GLI3: variants seen among roughly 807,000 people sequenced by gnomAD.
GLI3 encodes the protein GLI family zinc finger 3.
In GLI3, 20 loss-of-function variants were observed where a neutral mutation model predicts 100.8. That is an observed-to-expected ratio of 0.20 (90% CI 0.14 to 0.29). The LOEUF is 0.29. Among genes scored for constraint, GLI3 ranks in the 10% least tolerant of loss-of-function variants. The probability of loss-of-function intolerance (pLI) is 1.00; values close to 1 mark genes in which losing one functional copy is unlikely to be tolerated. For missense variants in GLI3, 2,040 were observed against 2,128.5 expected (o/e 0.96, Z 0.82); for synonymous variants, 938 against 860.5 (o/e 1.09, Z -1.58).
At chr7:42,245,906 GA>G (rs11306047) in intron 1 of GLI3, among the ~76,000 whole-genome samples, 99,405 of 143,800 alleles carry the variant, frequency 0.69, 35,856 homozygotes, top group East Asian at 0.9. Context: ...GAAAGAAAAG[GA>G]AAAAAAAAAA....
chr7:42,075,840 T>A (rs1784868154), intron 4 of GLI3, among the ~76,000 whole-genome samples: 1 of 152,258 alleles, frequency 6.6e-6, no homozygotes, highest in Admixed American at 6.5e-5. Flanking sequence ...GGACTTGTTT[T>A]AAAACAACTT....
At chr7:42,213,777 TG>T (rs1300875065) in intron 2 of GLI3, among the ~76,000 whole-genome samples, 8 of 152,376 alleles carry the variant, frequency 5.3e-5, no homozygotes, top group Middle Eastern at 3.4e-3. Flanking sequence ...CAAAGATGGC[TG>T]GGGACAGCCT....
At chr7:42,129,864 C>T (rs1324970498) in intron 3 of GLI3, among the ~76,000 whole-genome samples, 2 of 152,108 alleles carry the variant, frequency 1.3e-5, no homozygotes, top group African/African-American at 2.4e-5. Context: ...CGGACACACC[C>T]GTGACAGTCA....
intron 2 of GLI3, among the ~76,000 whole-genome samples, chr7:42,189,113 A>G (rs1297318583): frequency 6.6e-6 from 1 of 152,156 alleles, no homozygotes; most frequent in African/African-American, 2.4e-5. Flanking sequence ...GCATATAAGA[A>G]ATGTCTGTAT....
rs531428960 is a variant in GLI3, at chr7:42,051,941, C to A, written c.474-3245G>T. Among the ~76,000 whole-genome samples the A allele has an allele frequency of 8.8e-4, 134 of 152,316 alleles. 2 individuals carry two copies. The highest frequency in any genetic ancestry group is 3.2e-3 in the African/African-American group (134 of 41,570). ...ATGTATCTACCGTTACAGTATCATA[C>A]AGAGCAGTCTCACTGCCTTAAAAAT... On this transcript the variant is annotated intron_variant, in intron 4 of 14. Coordinates refer to ENST00000395925, the MANE Select transcript of GLI3 (RefSeq NM_000168.6).
chr7:42,130,237 G>T (rs1262857370), intron 3 of GLI3, among the ~76,000 whole-genome samples: 1 of 152,114 alleles, frequency 6.6e-6, no homozygotes, highest in African/African-American at 2.4e-5. Context: ...TGGTCAGGAT[G>T]TTCCATCCAT....
At chr7:42,038,037 G>A (rs1784054005) in intron 7 of GLI3, among the ~76,000 whole-genome samples, 1 of 152,218 alleles carries the variant, frequency 6.6e-6, no homozygotes, top group Non-Finnish European at 1.5e-5. Context: ...AGAAGTGAAT[G>A]TTCATGAAGT....
chr7:42,123,161 G>A (rs1786043118), intron 3 of GLI3, among the ~76,000 whole-genome samples: 1 of 152,126 alleles, frequency 6.6e-6, no homozygotes, highest in Non-Finnish European at 1.5e-5. Context: ...ACTTTGATGG[G>A]ACAATTGGAC....
chr7:42,246,749 CG>C (rs1788978738), intron 1 of GLI3, among the ~76,000 whole-genome samples: 1 of 143,180 alleles, frequency 7.0e-6, no homozygotes, highest in African/African-American at 2.6e-5. Context: ...CTGTTATTTT[CG>C]GCGGTTGGTA....
At chr7:42,042,973 A>ACACTC (rs1784175202) in intron 6 of GLI3, among the ~76,000 whole-genome samples, 1 of 152,146 alleles carries the variant, frequency 6.6e-6, no homozygotes, top group African/African-American at 2.4e-5. Flanking sequence ...CTACATATAA[A>ACACTC]CACTCTGTCC....
intron 2 of GLI3, among the ~76,000 whole-genome samples, chr7:42,157,169 G>A (rs1046787263): frequency 1.3e-5 from 2 of 152,226 alleles, no homozygotes; most frequent in African/African-American, 2.4e-5. Context: ...GCAAAGGCCA[G>A]GTGCTGCCCG....
At chr7:42,262,070 C>T (rs1252376876) in intron 1 of GLI3, among the ~76,000 whole-genome samples, 1 of 149,490 alleles carries the variant, frequency 6.7e-6, no homozygotes, top group Non-Finnish European at 1.5e-5. Context: ...CCCTCTCTCT[C>T]TCTTTCTTTC....
At chr7:42,183,676 T>C (rs1248901259) in intron 2 of GLI3, among the ~76,000 whole-genome samples, 1 of 152,206 alleles carries the variant, frequency 6.6e-6, no homozygotes, top group Admixed American at 6.5e-5. Flanking sequence ...AGATGTCCTA[T>C]ATTATATCTA....
At chr7:41,999,500 G>C (rs916000404) in intron 10 of GLI3, among the ~76,000 whole-genome samples, 1 of 152,130 alleles carries the variant, frequency 6.6e-6, no homozygotes, top group Non-Finnish European at 1.5e-5. Flanking sequence ...GTACGTCAAA[G>C]TCATCCAGGG....
intron 3 of GLI3, among the ~76,000 whole-genome samples, chr7:42,100,135 C>T (rs773946885): frequency 1.1e-4 from 17 of 152,222 alleles, no homozygotes; most frequent in Non-Finnish European, 4.4e-5. Context: ...CACTCCCAAC[C>T]CCAGTATTTT....
intron 4 of GLI3, among the ~76,000 whole-genome samples, chr7:42,072,054 G>A (rs1476188507): frequency 6.6e-6 from 1 of 152,194 alleles, no homozygotes; most frequent in African/African-American, 2.4e-5. Flanking sequence ...GCTGGTTTTC[G>A]AAAGTGGATT....
chr7:42,149,664 C>T (rs911212382), intron 2 of GLI3, among the ~76,000 whole-genome samples: 1 of 151,994 alleles, frequency 6.6e-6, no homozygotes, highest in South Asian at 2.1e-4. Flanking sequence ...CTATTCCTAT[C>T]TTAAAAAAAA....
intron 10 of GLI3, among the ~76,000 whole-genome samples, chr7:42,009,233 C>CAGTCTAAT (rs1788541816): frequency 6.6e-6 from 1 of 152,166 alleles, no homozygotes; most frequent in Non-Finnish European, 1.5e-5. Context: ...CCTGAACAAC[C>CAGTCTAAT]AGTCTAATGA....
upstream of GLI3, among the ~76,000 whole-genome samples, chr7:42,241,521 A>G (rs564024756): frequency 1.1e-4 from 16 of 152,314 alleles, no homozygotes; most frequent in South Asian, 8.3e-4. Context: ...ACTCTGGTGA[A>G]GAGTGGTTGG....
Sources: allele counts gnomAD v4.1 joint callset (sites outside exome capture counted in the v4.1 genomes callset), GRCh38; gene constraint gnomAD v4.1.1; transcripts MANE v1.5; gene names NCBI Gene and HGNC (gene_info 2026-07-23, HGNC 2026-07-21).